Variants in ATP2C2 observed in about 807,000 individuals in gnomAD.
The protein encoded by ATP2C2 is ATPase secretory pathway Ca2+ transporting 2.
In ATP2C2, 171 loss-of-function variants were observed where a neutral mutation model predicts 110.8. That is an observed-to-expected ratio of 1.54 (90% CI 1.36 to 1.75). The LOEUF (loss-of-function observed/expected upper bound fraction) is 1.75, where lower values mean the gene tolerates loss of function less well. Ranked by LOEUF, ATP2C2 falls within the 40% of genes most tolerant of loss-of-function variation. The pLI, the probability that ATP2C2 is intolerant of heterozygous loss-of-function variation, is 0.00. For synonymous variants in ATP2C2, 804 were observed against 508.4 expected (o/e 1.58, Z -7.82); for missense variants, 1,963 against 1,235.0 (o/e 1.59, Z -8.84).
At chr16:84,458,349 TCGGGGGAG>T (rs1448166310) in intron 21 of ATP2C2, among the ~76,000 whole-genome samples, 4 of 5,424 alleles carry the variant, frequency 7.4e-4, no homozygotes, top group East Asian at 0.071. Context: ...TGTGGTGGGG[TCGGGGGAG>T]GGGGGGAGGG....
chr16:84,381,721 G>A (rs1194040063), intron 1 of ATP2C2, among the ~76,000 whole-genome samples: 1 of 152,164 alleles, frequency 6.6e-6, no homozygotes. Flanking sequence ...CTTCAATGGC[G>A]GTGTAGGCAT....
chr16:84,455,076 G>GGT (rs1555568540), intron 21 of ATP2C2, 92 bp downstream of exon 21: 9 of 1,501,984 alleles, frequency 6.0e-6, no homozygotes, highest in Middle Eastern at 1.8e-4. Context: ...ATAGAGGGGG[G>GGT]GGTCTCGCGG....
chr16:84,413,102 A>C (rs1384457601), intron 6 of ATP2C2, among the ~76,000 whole-genome samples: 1 of 150,100 alleles, frequency 6.7e-6, no homozygotes, highest in African/African-American at 2.4e-5. Context: ...CTGTCTCAAA[A>C]AAAAAAAAAA....
rs546712581 is a variant in ATP2C2, at chr16:84,409,668, A to G, written c.418-900A>G. 3.4e-4 allele frequency among the ~76,000 whole-genome samples: 52 copies of G among 152,004 alleles called. No individual in the cohort carries two copies. The East Asian group carries it at 4.9e-3, about 14-fold the overall frequency. ...CCACCACTCCTGGTTAATTTTTGCTAATTTTTATATTTTTAGTAGAGATGA... is the reference window on the plus strand; with the variant it reads ...CCACCACTCCTGGTTAATTTTTGCTGATTTTTATATTTTTAGTAGAGATGA... On this transcript the variant is annotated intron_variant, in intron 4 of 26. Coordinates refer to ENST00000262429, the MANE Select transcript of ATP2C2 (RefSeq NM_014861.4).
chr16:84,429,686 C>T (rs2150554028), intron 11 of ATP2C2, among the ~76,000 whole-genome samples: 1 of 152,110 alleles, frequency 6.6e-6, no homozygotes, highest in South Asian at 2.1e-4. Flanking sequence ...GGAAGAGAGG[C>T]AGAGGCAGGT....
intron 7 of ATP2C2, among the ~76,000 whole-genome samples, chr16:84,416,035 A>G (rs974140081): frequency 3.3e-5 from 5 of 152,196 alleles, no homozygotes; most frequent in African/African-American, 9.7e-5. Flanking sequence ...TTAGCTAGGC[A>G]TGGTGGCATG....
intron 3 of ATP2C2, chr16:84,406,587 C>T (rs1000869903): frequency 1.0e-6 from 1 of 985,600 alleles, no homozygotes; most frequent in African/African-American, 1.7e-5. Flanking sequence ...GATCAAGGCT[C>T]AGTTCTCAGT....
chr16:84,368,570 C>T lies in ATP2C2; in HGVS notation c.-46C>T, dbSNP rs775239443. On this transcript the variant is annotated 5_prime_UTR_variant, in exon 1 of 27. Coordinates refer to ENST00000262429, the MANE Select transcript of ATP2C2 (RefSeq NM_014861.4). ...TTGGGCGCGCGCAGCCATCCCGGGC[C>T]TCGCCGGGGACCTAGGGACGCAGGC... 3.0e-5 allele frequency: 44 copies of T among 1,448,996 alleles called. No individual in the cohort carries two copies. Among genetic ancestry groups the T allele is most frequent in the Non-Finnish European group, 3.7e-5 (40 of 1,067,230 alleles). 89.8% of individuals were successfully genotyped at this position (1,448,996 alleles called of 1,614,324 possible).
intron 23 of ATP2C2, chr16:84,459,919 C>G (rs1223026162): frequency 3.5e-6 from 1 of 283,542 alleles, no homozygotes; most frequent in East Asian, 8.0e-5. Flanking sequence ...CGCTCCGCCA[C>G]TTAATATCCC....
chr16:84,461,785 C>T lies in ATP2C2; in HGVS notation c.2553C>T (p.Leu851=), dbSNP rs1398716964. The change falls in exon 25 of 27, where the codon CTC becomes CTT. Residue 851 remains leucine, a synonymous_variant. Transcript: ENST00000262429. ...TCACTTGTTTTGTGTTTTTCGATCT[C>T]TTCAACGCCTTGACCTGCCGCTCTC... ...MTFTCFVFFD[L]FNALTCRSQT... is the part of the protein sequence containing the mutation. The T allele has an allele frequency of 1.2e-6, 2 of 1,614,074 alleles. No individual in the cohort carries two copies. Among genetic ancestry groups the T allele is most frequent in the African/African-American group, 1.3e-5 (1 of 74,936 alleles).
chr16:84,439,069 A>G, intron 11 of ATP2C2, 97 bp from the exon 12 acceptor site: 2 of 1,540,746 alleles, frequency 1.3e-6, no homozygotes, highest in South Asian at 1.2e-5. Context: ...GGGACACCTA[A>G]GACAAGCTTC....
chr16:84,406,604 G>T, intron 3 of ATP2C2: 4 of 985,568 alleles, frequency 4.1e-6, no homozygotes, highest in Non-Finnish European at 4.8e-6. Flanking sequence ...CAGTGTTCTG[G>T]GAATGTTATT....
In ATP2C2 at chr16:84,461,701, G is replaced by C. The variant is rs775425505; in HGVS notation, c.2482-13G>C. ...TTCCCGCCTAACCTCTCACCTTTGT[G>C]CTCACCTTCCAGATGCCTGAAGACA... On this transcript the variant is annotated splice_polypyrimidine_tract_variant and intron_variant, in intron 24 of 26. Coordinates refer to ENST00000262429, the MANE Select transcript of ATP2C2 (RefSeq NM_014861.4). 3 of 1,611,500 alleles carry C rather than the reference G, an allele frequency of 1.9e-6. No homozygotes were observed. Among genetic ancestry groups the C allele is most frequent in the Non-Finnish European group, 2.5e-6 (3 of 1,177,558 alleles).
chr16:84,452,225 C>A, intron 18 of ATP2C2, 134 bp downstream of exon 18: 1 of 1,103,522 alleles, frequency 9.1e-7, no homozygotes, highest in Non-Finnish European at 1.3e-6. Context: ...TTAGAAAAGA[C>A]GCTGAGTATT....
At position 84,453,315 on chromosome 16, in the gene ATP2C2, G is replaced by C; in HGVS notation, c.1930-6G>C. 1.9e-6 allele frequency: 3 copies of C among 1,614,186 alleles called. No homozygotes were observed. Among genetic ancestry groups the C allele is most frequent in the South Asian group, 2.2e-5 (2 of 91,080 alleles). ...GATTCTTCGTCTTCCCCGTCTCCGT[G>C]TCCAGGTGTCCGTGTTCTTCAGGAC... On this transcript the variant is annotated splice_region_variant and splice_polypyrimidine_tract_variant and intron_variant, in intron 19 of 26. Transcript: ENST00000262429.
intron 2 of ATP2C2, chr16:84,404,843 G>C: frequency 2.9e-6 from 1 of 342,386 alleles, no homozygotes; most frequent in South Asian, 2.6e-5. Context: ...AAGAAAAGAT[G>C]TGTTTCTGCA....
At chr16:84,446,498 A>C in intron 16 of ATP2C2, 68 bp downstream of exon 16, 1 of 1,122,396 alleles carries the variant, frequency 8.9e-7, no homozygotes, top group Non-Finnish European at 1.3e-6. Context: ...ATAAAGCAAA[A>C]TGCAGACTTC....
chr16:84,372,053 C>G (rs1567680141), intron 1 of ATP2C2, among the ~76,000 whole-genome samples: 1 of 152,154 alleles, frequency 6.6e-6, no homozygotes, highest in Non-Finnish European at 1.5e-5. Context: ...CAGGGATTGA[C>G]AGCGAGTTCT....
intron 20 of ATP2C2, among the ~76,000 whole-genome samples, chr16:84,454,487 G>A (rs145163503): frequency 5.3e-4 from 80 of 152,198 alleles, no homozygotes; most frequent in African/African-American, 1.6e-3. Context: ...TTCCAGGGCC[G>A]CACTGTTGAT....
Sources: allele counts gnomAD v4.1 joint callset (sites outside exome capture counted in the v4.1 genomes callset), GRCh38; gene constraint gnomAD v4.1.1; transcripts MANE v1.5; gene names NCBI Gene and HGNC (gene_info 2026-07-23, HGNC 2026-07-21).